Variants in TNFSF13B observed in about 807,000 individuals in gnomAD.
The protein encoded by TNFSF13B is TNF superfamily member 13b.
TNFSF13B carries 8 observed loss-of-function variants against 29.1 expected under a neutral mutation model. The ratio of observed to expected loss-of-function variants is 0.27; its 90% CI spans 0.16 to 0.50. The LOEUF is 0.50. Ranked by LOEUF, TNFSF13B falls within the 20% of genes least tolerant of loss-of-function variation. The pLI, the probability that TNFSF13B is intolerant of heterozygous loss-of-function variation, is 0.98. For missense variants in TNFSF13B, 248 were observed against 334.9 expected, an observed-to-expected ratio of 0.74 and a Z score of 2.03; for synonymous variants, 125 against 130.8, an observed-to-expected ratio of 0.96 and a Z score of 0.30.
At chr13:108,301,667 G>C (rs138755343) in intron 3 of TNFSF13B, among the ~76,000 whole-genome samples, 175 of 152,226 alleles carry the variant, frequency 1.1e-3, no homozygotes, top group African/African-American at 3.8e-3. Context: ...AAAAGACGTT[G>C]GTCAAAGATT....
At chr13:108,304,818 CA>C (rs1881724996) in intron 5 of TNFSF13B, among the ~76,000 whole-genome samples, 1 of 152,066 alleles carries the variant, frequency 6.6e-6, no homozygotes, top group Admixed American at 6.5e-5. Flanking sequence ...GATCTGCAGC[CA>C]CAGATAGCAT....
intron 3 of TNFSF13B, among the ~76,000 whole-genome samples, chr13:108,301,868 A>G (rs973372637): frequency 1.3e-5 from 2 of 152,226 alleles, no homozygotes; most frequent in African/African-American, 2.4e-5. Context: ...CAATGCCTAT[A>G]TATTTCAAGA....
Position 108,306,871 on chromosome 13 carries a change from C to T in TNFSF13B, c.791C>T (p.Pro264Leu). 1 of 1,610,910 alleles carries T rather than the reference C, an allele frequency of 6.2e-7. No homozygotes were observed. The stretch of plus-strand genomic sequence containing the variant: ...GGAGATGAACTCCAACTTGCAATAC[C>T]AAGAGAAAATGCACAAATATCACTG... ...EEGDELQLAI[P>L]RENAQISLDG... Residue 264 changes from proline to leucine, a missense_variant, in exon 6 of 6, where the codon CCA becomes CTA. This residue lies in a region of TNFSF13B where 62 missense variants were observed against 138.6 expected (regional missense o/e 0.45). Coordinates refer to ENST00000375887, the MANE Select transcript of TNFSF13B (RefSeq NM_006573.5).
intron 2 of TNFSF13B, among the ~76,000 whole-genome samples, chr13:108,281,975 G>C (rs1256104902): frequency 2.0e-5 from 3 of 151,896 alleles, no homozygotes; most frequent in African/African-American, 4.8e-5. Context: ...GCTAGTTCAA[G>C]AAAAATTAAA....
chr13:108,303,033 T>C, intron 3 of TNFSF13B: 1 of 509,840 alleles, frequency 2.0e-6, no homozygotes, highest in East Asian at 3.6e-5. Flanking sequence ...TCTCAGGTTC[T>C]TGTATCTGAT....
chr13:108,293,748 G>A (rs932664929), intron 3 of TNFSF13B, among the ~76,000 whole-genome samples: 3 of 152,290 alleles, frequency 2.0e-5, no homozygotes, highest in African/African-American at 7.2e-5. Context: ...CAATAAAAAT[G>A]TATTTCTCAC....
At chr13:108,295,950 T>C (rs1249861692) in intron 3 of TNFSF13B, among the ~76,000 whole-genome samples, 2 of 146,440 alleles carry the variant, frequency 1.4e-5, no homozygotes, top group Non-Finnish European at 3.0e-5. Context: ...ACATATCTTT[T>C]TAAAATACAA....
chr13:108,280,066 C>A (rs369337773), intron 2 of TNFSF13B, among the ~76,000 whole-genome samples: 2 of 135,292 alleles, frequency 1.5e-5, no homozygotes, highest in Non-Finnish European at 3.1e-5. Flanking sequence ...GGGATGGCGT[C>A]TGCTTTTTTT....
chr13:108,293,735 A>G (rs1374335886), intron 3 of TNFSF13B, among the ~76,000 whole-genome samples: 1 of 152,248 alleles, frequency 6.6e-6, no homozygotes, highest in Non-Finnish European at 1.5e-5. Context: ...TGAGTGGATT[A>G]AACAATAAAA....
chr13:108,279,271 T>C (rs1451395517), intron 2 of TNFSF13B, among the ~76,000 whole-genome samples: 1 of 152,220 alleles, frequency 6.6e-6, no homozygotes, highest in Non-Finnish European at 1.5e-5. Context: ...ATCAAGTGAT[T>C]CACAATCTAG....
At chr13:108,271,123 G>T (rs571486541) in intron 2 of TNFSF13B, among the ~76,000 whole-genome samples, 1 of 152,004 alleles carries the variant, frequency 6.6e-6, no homozygotes, top group South Asian at 2.1e-4. Context: ...AGTTGGTGGG[G>T]CCTACCAAAA....
At chr13:108,279,271 T>TCA (rs1880864057) in intron 2 of TNFSF13B, among the ~76,000 whole-genome samples, 1 of 152,220 alleles carries the variant, frequency 6.6e-6, no homozygotes, top group Non-Finnish European at 1.5e-5. Context: ...ATCAAGTGAT[T>TCA]CACAATCTAG....
At chr13:108,271,777 A>G (rs928990610) in intron 2 of TNFSF13B, among the ~76,000 whole-genome samples, 1 of 152,162 alleles carries the variant, frequency 6.6e-6, no homozygotes, top group African/African-American at 2.4e-5. Context: ...GACTTATACA[A>G]TAAGGATTTT....
intron 2 of TNFSF13B, among the ~76,000 whole-genome samples, chr13:108,274,513 T>G (rs1404409820): frequency 6.6e-6 from 1 of 152,082 alleles, no homozygotes; most frequent in African/African-American, 2.4e-5. Flanking sequence ...ACATCATGTC[T>G]ACTATTCCTT....
Position 108,291,333 on chromosome 13 carries a change from A to G in TNFSF13B, c.481+4474A>G, listed in dbSNP as rs982684772. The stretch of plus-strand genomic sequence containing the variant: ...ATAAATTAAGAAAAATACCCTCATG[A>G]TAACAGATGTACAGATCAAATCCAA... On this transcript the variant is annotated intron_variant, in intron 3 of 5. Coordinates refer to ENST00000375887, the MANE Select transcript of TNFSF13B (RefSeq NM_006573.5). Among the ~76,000 whole-genome samples the G allele has an allele frequency of 3.9e-5, 6 of 151,968 alleles. 1 individual carries two copies. Among genetic ancestry groups the G allele is most frequent in the African/African-American group, 1.4e-4 (6 of 41,532 alleles).
intron 3 of TNFSF13B, among the ~76,000 whole-genome samples, chr13:108,298,431 T>C (rs528544809): frequency 2.7e-5 from 4 of 145,684 alleles, no homozygotes; most frequent in Admixed American, 2.7e-4. Flanking sequence ...ATGGCCAAAC[T>C]CTTTCCAATG....
chr13:108,302,125 T>A (rs1315224060), intron 3 of TNFSF13B, among the ~76,000 whole-genome samples: 1 of 152,132 alleles, frequency 6.6e-6, no homozygotes, highest in Admixed American at 6.5e-5. Context: ...TCTAGAAATA[T>A]TGTTATCTTC....
chr13:108,286,596 T>C (rs1881141601), intron 2 of TNFSF13B, among the ~76,000 whole-genome samples: 1 of 151,468 alleles, frequency 6.6e-6, no homozygotes, highest in Non-Finnish European at 1.5e-5. Flanking sequence ...ATAGAGCTTT[T>C]CTGAAATGTC....
chr13:108,303,360 G>A lies in TNFSF13B; in HGVS notation c.589G>A (p.Gly197Ser), dbSNP rs1161169998. ...AGAAACTGGTTACTTTTTTATATATGGTCAGGTAGGTTGAAACCCTAATTC... is the reference window on the plus strand; with the variant it reads ...AGAAACTGGTTACTTTTTTATATATAGTCAGGTAGGTTGAAACCCTAATTC... The part of the protein sequence containing the change: ...VKETGYFFIY[G>S]QVLYTDKTYA... Residue 197 changes from glycine (G) to serine (S), a missense_variant, in exon 4 of 6, where the codon GGT (glycine) becomes AGT (serine). Coordinates refer to ENST00000375887, the MANE Select transcript of TNFSF13B (RefSeq NM_006573.5). The A allele has an allele frequency of 6.2e-6, 10 of 1,611,366 alleles. No individual in the cohort carries two copies. Among genetic ancestry groups the A allele is most frequent in the Non-Finnish European group, 7.6e-6 (9 of 1,178,362 alleles).
Sources: allele counts gnomAD v4.1 joint callset (sites outside exome capture counted in the v4.1 genomes callset), GRCh38; gene constraint gnomAD v4.1.1; regional missense constraint gnomAD v4.1.1; transcripts MANE v1.5; gene names NCBI Gene and HGNC (gene_info 2026-07-23, HGNC 2026-07-21).